FAM171A1: variants seen among roughly 807,000 people sequenced by gnomAD.
FAM171A1 encodes the protein family with sequence similarity 171 member A1.
FAM171A1 carries 23 observed loss-of-function variants against 74.9 expected under a neutral mutation model. The observed-to-expected ratio is 0.31, with a 90% confidence interval of 0.22 to 0.44. The LOEUF is 0.44. Ranked by LOEUF, FAM171A1 falls within the 20% of genes least tolerant of loss-of-function variation. The pLI is 1.00. For synonymous variants in FAM171A1, 527 were observed against 505.7 expected (o/e 1.04, Z -0.57); for missense variants, 1,162 against 1,159.2 (o/e 1.00, Z -0.03).
At chr10:15,310,871 A>G (rs1227259138) in intron 1 of FAM171A1, among the ~76,000 whole-genome samples, 1 of 151,688 alleles carries the variant, frequency 6.6e-6, no homozygotes, top group Admixed American at 6.6e-5. Flanking sequence ...TGAAGCCTCC[A>G]GAGGGTCTCC....
At chr10:15,230,816 G>C (rs1018100738) in intron 5 of FAM171A1, among the ~76,000 whole-genome samples, 2 of 152,302 alleles carry the variant, frequency 1.3e-5, no homozygotes, top group Middle Eastern at 3.4e-3. Flanking sequence ...AATTTAATGA[G>C]AGACTTCTGA....
At chr10:15,332,884 A>G (rs1267222037) in intron 1 of FAM171A1, among the ~76,000 whole-genome samples, 2 of 150,156 alleles carry the variant, frequency 1.3e-5, no homozygotes. Context: ...TATTTATGAT[A>G]ATGAAGAGTG....
chr10:15,369,269 C>G (rs1267949786), intron 1 of FAM171A1, among the ~76,000 whole-genome samples: 1 of 145,660 alleles, frequency 6.9e-6, no homozygotes, highest in Non-Finnish European at 1.5e-5. Flanking sequence ...TTCAGAAGTG[C>G]ATGAATTTAA....
intron 5 of FAM171A1, among the ~76,000 whole-genome samples, chr10:15,235,287 G>A (rs1834270745): frequency 8.4e-6 from 1 of 119,328 alleles, no homozygotes; most frequent in Non-Finnish European, 1.6e-5. Context: ...GGGAGACAGA[G>A]CGAGACTCTG....
intron 1 of FAM171A1, among the ~76,000 whole-genome samples, chr10:15,325,046 G>A (rs759725691): frequency 3.8e-4 from 58 of 152,184 alleles, no homozygotes; most frequent in Non-Finnish European, 7.6e-4. Flanking sequence ...ATATCTAATG[G>A]GAATAAACTG....
At chr10:15,280,110 A>T (rs561787595) in intron 2 of FAM171A1, among the ~76,000 whole-genome samples, 73 of 152,072 alleles carry the variant, frequency 4.8e-4, no homozygotes, top group African/African-American at 1.7e-3. Flanking sequence ...AAACCCAAAA[A>T]ATTTGCCAAG....
intron 1 of FAM171A1, among the ~76,000 whole-genome samples, chr10:15,328,546 G>T (rs77932070): frequency 0.011 from 1,736 of 152,348 alleles, 16 homozygotes; most frequent in Middle Eastern, 0.024. Context: ...AACTGTGGGG[G>T]CAATATGCTG....
intron 1 of FAM171A1, among the ~76,000 whole-genome samples, chr10:15,328,397 C>T (rs1438289472): frequency 6.6e-6 from 1 of 152,174 alleles, no homozygotes; most frequent in African/African-American, 2.4e-5. Context: ...CCACCCGCCT[C>T]GGCCTCCCAA....
intron 6 of FAM171A1, among the ~76,000 whole-genome samples, chr10:15,219,770 C>T (rs7095055): frequency 0.22 from 33,485 of 151,978 alleles, 3,925 homozygotes; most frequent in African/African-American, 0.3. Flanking sequence ...TGAGTAGAGA[C>T]GGGGTTTCAC....
intron 5 of FAM171A1, among the ~76,000 whole-genome samples, chr10:15,222,911 G>T (rs538494252): frequency 6.6e-6 from 1 of 152,260 alleles, no homozygotes; most frequent in Non-Finnish European, 1.5e-5. Flanking sequence ...CAGACTGTAA[G>T]CAAGGTTTTG....
intron 3 of FAM171A1, among the ~76,000 whole-genome samples, chr10:15,256,199 C>G (rs1414910654): frequency 1.3e-5 from 2 of 152,144 alleles, no homozygotes; most frequent in African/African-American, 2.4e-5. Context: ...TATCTCCACT[C>G]CAGGGTTCCT....
At chr10:15,342,917 G>T (rs1242848839) in intron 1 of FAM171A1, among the ~76,000 whole-genome samples, 2 of 152,204 alleles carry the variant, frequency 1.3e-5, no homozygotes, top group South Asian at 2.1e-4. Flanking sequence ...CATGGCCCAG[G>T]GTGAAACCTG....
intron 5 of FAM171A1, among the ~76,000 whole-genome samples, chr10:15,244,889 G>A (rs1373279326): frequency 2.0e-5 from 3 of 152,292 alleles, no homozygotes; most frequent in Admixed American, 6.5e-5. Context: ...AGGATCGGCT[G>A]TGCTCGTGAA....
intron 1 of FAM171A1, among the ~76,000 whole-genome samples, chr10:15,303,103 C>T (rs896519948): frequency 6.6e-6 from 1 of 151,976 alleles, no homozygotes; most frequent in South Asian, 2.1e-4. Context: ...GCAAGAGAAT[C>T]GATTGAATCC....
rs1222335963 is a variant in FAM171A1, at chr10:15,213,365, G to A, written c.2223C>T (p.Asp741=). ...GRNGSNDASL[D]SGVDMNEPKS... Reference sequence around the variant, plus strand: ...TTGGTTCATTCATATCTACGCCAGAGTCCAAACTGGCATCATTACTTCCGT... The same window carrying A: ...TTGGTTCATTCATATCTACGCCAGAATCCAAACTGGCATCATTACTTCCGT... The change falls in exon 8 of 8, where the codon GAC becomes GAT. Residue 741 remains aspartate, a synonymous_variant. Coordinates refer to ENST00000378116, the MANE Select transcript of FAM171A1 (RefSeq NM_001010924.2). This position sits in a 1 kb window ranked among gnomAD's most constrained non-coding sequence, Gnocchi z 6.8. The A allele has an allele frequency of 1.2e-6, 2 of 1,614,052 alleles. No homozygotes were observed. The highest frequency in any genetic ancestry group is 1.7e-6 in the Non-Finnish European group (2 of 1,180,040).
chr10:15,316,897 T>G (rs56109656), intron 1 of FAM171A1, among the ~76,000 whole-genome samples: 330 of 152,294 alleles, frequency 2.2e-3, no homozygotes, highest in Non-Finnish European at 3.9e-3. Flanking sequence ...GACTCACGCA[T>G]TCTCCAGCAC....
At chr10:15,337,812 G>A (rs557409268) in intron 1 of FAM171A1, among the ~76,000 whole-genome samples, 4 of 152,156 alleles carry the variant, frequency 2.6e-5, no homozygotes, top group African/African-American at 9.7e-5. Context: ...TTAGCTGGGC[G>A]TGGTGGTGCA....
At chr10:15,242,786 G>A (rs1353423697) in intron 5 of FAM171A1, among the ~76,000 whole-genome samples, 2 of 151,242 alleles carry the variant, frequency 1.3e-5, no homozygotes, top group East Asian at 1.9e-4. Context: ...GCAGGACTCC[G>A]TCTCAAAAAA....
intron 1 of FAM171A1, among the ~76,000 whole-genome samples, chr10:15,295,473 G>C (rs1835150798): frequency 6.6e-6 from 1 of 152,052 alleles, no homozygotes. Context: ...AACAAACTCT[G>C]GCCCTATCTT....
Sources: gnomAD v4.1 joint callset for allele counts (sites outside exome capture counted in the v4.1 genomes callset) on GRCh38, gnomAD v4.1.1 for gene constraint, Gnocchi (gnomAD v3.1) non-coding constraint, MANE v1.5 for transcripts, NCBI Gene and HGNC (gene_info 2026-07-23, HGNC 2026-07-21) for gene names.